Variants in GFUS observed in about 807,000 individuals in gnomAD.
GFUS encodes 3-5 epimerase/4-reductase.
Under a neutral mutation model 41.5 loss-of-function variants are expected in GFUS, and 42 were observed. That is an observed-to-expected ratio of 1.01 (90% confidence interval 0.79 to 1.31). GFUS has a LOEUF of 1.31. Among genes scored for constraint, GFUS ranks in the 50% most tolerant of loss-of-function variants. GFUS has a pLI of 0.00. For missense variants in GFUS, 437 were observed against 428.7 expected (o/e 1.02, Z -0.17); for synonymous variants, 188 against 173.4 (o/e 1.08, Z -0.66).
At chr8:143,613,438 C>T in intron 9 of GFUS, 86 bp downstream of exon 9, 4 of 1,518,344 alleles carry the variant, frequency 2.6e-6, no homozygotes, top group Non-Finnish European at 2.7e-6. Context: ...CCGCAGTGTC[C>T]CACCCACGCT....
chr8:143,616,723 C>A lies in GFUS; in HGVS notation c.-11G>T, dbSNP rs1465287748. 1.2e-6 allele frequency: 2 copies of A among 1,613,586 alleles called. No homozygotes were observed. The highest frequency in any genetic ancestry group is 2.2e-5 in the South Asian group (2 of 91,082). On this transcript the variant is annotated splice_region_variant and 5_prime_UTR_variant, in exon 2 of 11. Transcript: ENST00000425753. Reference sequence around the variant, plus strand: ...CTGGGGTTCACCCATGTCAGTTGCACCTGTAATGTCAAACAGTGGGAGGCT... The same window carrying A: ...CTGGGGTTCACCCATGTCAGTTGCAACTGTAATGTCAAACAGTGGGAGGCT...
At chr8:143,617,581 A>G (rs1254395126), upstream of GFUS, 2 of 151,854 alleles carry the variant, frequency 1.3e-5, no homozygotes, top group Non-Finnish European at 2.9e-5. Flanking sequence ...GGGGCGGGGC[A>G]CTCTGGGAAA....
At chr8:143,616,789 G>A (rs1829739363) in intron 1 of GFUS, 66 bp from the exon 2 acceptor site, 8 of 1,591,898 alleles carry the variant, frequency 5.0e-6, no homozygotes, top group Non-Finnish European at 6.9e-6. Flanking sequence ...CCACTCTTCT[G>A]TGGCAACTGG....
At position 143,617,522 on chromosome 8, in the gene GFUS, T is replaced by G. The variant is rs1343495371; in HGVS notation, c.-60A>C. 2.0e-5 allele frequency: 3 copies of G among 152,218 alleles called. No homozygotes were observed. The highest frequency in any genetic ancestry group is 7.2e-5 in the African/African-American group (3 of 41,442). 9.4% of individuals were successfully genotyped at this position (152,218 alleles called of 1,614,324 possible). ...TCCCCGACAGCGGCTTCCGGCCGGG[T>G]GCGCTCCGGCTGCCCGCGGAGCCAG... On this transcript the variant is annotated 5_prime_UTR_variant, in exon 1 of 11. Coordinates refer to ENST00000425753, the MANE Select transcript of GFUS (RefSeq NM_003313.4).
At position 143,614,902 on chromosome 8, in the gene GFUS, T is replaced by C. The variant is rs776264345; in HGVS notation, c.275A>G (p.His92Arg). Residue 92 changes from histidine to arginine, a missense_variant, in exon 4 of 11, where the codon CAC (histidine) becomes CGC (arginine). His to Arg is a conservative substitution (Grantham distance 29, BLOSUM62 0). Coordinates refer to ENST00000425753, the MANE Select transcript of GFUS (RefSeq NM_003313.4). ...CGAGTGCAGGACGTTGTCGTTCATG[T>C]GCACGTTTTTCCTCTGCAGGGGTGA... ...YNLDFWRKNV[H>R]MNDNVLHSAF... 4 of 1,608,980 alleles carry C rather than the reference T, an allele frequency of 2.5e-6. No homozygotes were observed. The South Asian group carries it at 3.3e-5, about 13-fold the overall frequency.
At chr8:143,616,060 C>G (rs1333546296) in intron 3 of GFUS, 46 bp downstream of exon 3, 2 of 1,479,926 alleles carry the variant, frequency 1.4e-6, no homozygotes, top group African/African-American at 2.8e-5. Context: ...GTTCCCAGAA[C>G]CTGGGATCCT....
At chr8:143,613,967 C>G (rs1829649347) in intron 7 of GFUS, 150 bp from the exon 8 acceptor site, 2 of 1,154,024 alleles carry the variant, frequency 1.7e-6, no homozygotes, top group Non-Finnish European at 2.5e-6. Context: ...GAGCTCAGAG[C>G]TACGCCAGTG....
intron 3 of GFUS, among the ~76,000 whole-genome samples, chr8:143,615,268 C>T (rs1027533209): frequency 3.3e-5 from 5 of 152,140 alleles, no homozygotes; most frequent in East Asian, 1.9e-4. Context: ...TCCCACTACA[C>T]GGGGAACAGG....
chr8:143,614,237 T>G lies in GFUS; in HGVS notation c.599-9A>C, dbSNP rs1312656380. On this transcript the variant is annotated splice_polypyrimidine_tract_variant and intron_variant, in intron 6 of 10. Transcript: ENST00000425753. ...CAGGGCCGAGCCGCTGCCTGCAGAT[T>G]TGGGGAAGGAGCAGGTGTCAGAGGC... 1.2e-6 allele frequency: 2 copies of G among 1,613,716 alleles called. No homozygotes were observed. Among genetic ancestry groups the G allele is most frequent in the South Asian group, 1.1e-5 (1 of 91,090 alleles).
At chr8:143,617,057 C>A in intron 1 of GFUS, 1 of 332,520 alleles carries the variant, frequency 3.0e-6, no homozygotes, top group Non-Finnish European at 5.7e-6. Flanking sequence ...GGGCTCCTGG[C>A]ACAGGTCGTT....
In GFUS at chr8:143,613,767, C is replaced by T. The variant is rs768746391; in HGVS notation, c.714G>A (p.Glu238=). 1 of 1,551,102 alleles carries T rather than the reference C, an allele frequency of 6.4e-7. No homozygotes were observed. The highest frequency in any genetic ancestry group is 1.2e-5 in the South Asian group (1 of 84,094). The change falls in exon 8 of 11, where the codon GAG becomes GAA. Residue 238 remains glutamate, a synonymous_variant. Coordinates refer to ENST00000425753, the MANE Select transcript of GFUS (RefSeq NM_003313.4). ...IWVLREYNEV[E]PIILSVGEED... ...GGTACCCACCGGAGAGGATGATGGG[C>T]TCCACTTCATTGTACTCCCGCAGGA...
chr8:143,615,226 G>C (rs886421932), intron 3 of GFUS, among the ~76,000 whole-genome samples: 4 of 152,200 alleles, frequency 2.6e-5, no homozygotes, highest in African/African-American at 9.6e-5. Context: ...GGCTGGGAAG[G>C]AGCCCAGTCT....
At chr8:143,613,418 C>T (rs1829628739) in intron 9 of GFUS, 106 bp downstream of exon 9, 1 of 1,487,474 alleles carries the variant, frequency 6.7e-7, no homozygotes. Flanking sequence ...CCAGGGTGAG[C>T]ATCCTCCCTC....
Position 143,614,246 on chromosome 8 carries a change from G to A in GFUS, c.599-18C>T. On this transcript the variant is annotated intron_variant, in intron 6 of 10. Coordinates refer to ENST00000425753, the MANE Select transcript of GFUS (RefSeq NM_003313.4). ...GCCGCTGCCTGCAGATTTGGGGAAG[G>A]AGCAGGTGTCAGAGGCACTGGGTCA... 2 of 1,613,754 alleles carry A rather than the reference G, an allele frequency of 1.2e-6. No homozygotes were observed. Among genetic ancestry groups the A allele is most frequent in the East Asian group, 2.2e-5 (1 of 44,890 alleles).
rs150469830 is a variant in GFUS, at chr8:143,612,925, C to T, written c.951G>A (p.Glu317=). ...TCTTCCAGCTTCACTTCCGGGCCTGCTCGTAGTTGTCAGTGAACCAAGCAC... is the reference window on the plus strand; with the variant it reads ...TCTTCCAGCTTCACTTCCGGGCCTGTTCGTAGTTGTCAGTGAACCAAGCAC... The part of the protein sequence containing the change: ...ETCAWFTDNY[E]QARK Residue 317 remains glutamate (E), a synonymous_variant, in exon 11 of 11, where the codon GAG becomes GAA. Transcript: ENST00000425753. 175 of 1,609,768 alleles carry T rather than the reference C, an allele frequency of 1.1e-4. No homozygotes were observed. The African/African-American group carries it at 1.9e-3, about 18-fold the overall frequency.
In GFUS at chr8:143,613,013, G is replaced by A. The variant is rs529787618; in HGVS notation, c.911-48C>T. On this transcript the variant is annotated intron_variant, in intron 10 of 10. Coordinates refer to ENST00000425753, the MANE Select transcript of GFUS (RefSeq NM_003313.4). ...GCCATGGACAGGGAGGGTCGGGGCCGCATGGGAGGAAGTGGGGGGAGGAGG... is the reference window on the plus strand; with the variant it reads ...GCCATGGACAGGGAGGGTCGGGGCCACATGGGAGGAAGTGGGGGGAGGAGG... The A allele has an allele frequency of 2.1e-5, 34 of 1,593,604 alleles. No individual in the cohort carries two copies. The East Asian group carries it at 4.8e-4, about 22-fold the overall frequency.
intron 5 of GFUS, 61 bp from the exon 6 acceptor site, chr8:143,614,514 G>T: frequency 6.4e-7 from 1 of 1,570,984 alleles, no homozygotes; most frequent in Non-Finnish European, 8.7e-7. Context: ...CCAGGCTGCC[G>T]CTGGCCTCTT....
At chr8:143,614,253 T>C (rs1829659021) in intron 6 of GFUS, 25 bp from the exon 7 acceptor site, 1 of 1,613,542 alleles carries the variant, frequency 6.2e-7, no homozygotes, top group Non-Finnish European at 8.5e-7. Context: ...AAGGAGCAGG[T>C]GTCAGAGGCA....
Position 143,613,524 on chromosome 8 carries a change from G to A in GFUS, c.810C>T (p.Thr270=), listed in dbSNP as rs773696464. 6.2e-6 allele frequency: 10 copies of A among 1,610,322 alleles called. No individual in the cohort carries two copies. The highest frequency in any genetic ancestry group is 1.6e-4 in the Middle Eastern group (1 of 6,078). Residue 270 remains threonine (T), a splice_region_variant and synonymous_variant, in exon 9 of 11, where the codon ACC becomes ACT. Coordinates refer to ENST00000425753, the MANE Select transcript of GFUS (RefSeq NM_003313.4). ...VEAMDFHGEV[T]FDTTKSDGQF... is the part of the protein sequence containing the mutation. The stretch of plus-strand genomic sequence containing the variant: ...CCCCAGCACTGGAGCCAGAGGATAC[G>A]GTGACTTCCCCATGGAAGTCCATGG...
Sources: allele counts gnomAD v4.1 joint callset (sites outside exome capture counted in the v4.1 genomes callset), GRCh38; gene constraint gnomAD v4.1.1; transcripts MANE v1.5; gene names NCBI Gene and HGNC (gene_info 2026-07-23, HGNC 2026-07-21).